Variants in ADAMTS6 observed in about 807,000 individuals in gnomAD.
ADAMTS6 encodes the protein ADAM metallopeptidase with thrombospondin type 1 motif 6, also known as A disintegrin and metalloproteinase with thrombospondin motifs 6.
Under a neutral mutation model 144.3 loss-of-function variants are expected in ADAMTS6, and 23 were observed. That is an observed-to-expected ratio of 0.16 (90% CI 0.11 to 0.23). The LOEUF is 0.23. ADAMTS6 is among the 10% of genes least tolerant of loss of function. The pLI, the probability that ADAMTS6 is intolerant of heterozygous loss-of-function variation, is 1.00. For synonymous variants in ADAMTS6, 444 were observed against 457.5 expected (o/e 0.97, Z 0.38); for missense variants, 999 against 1,379.6 (o/e 0.72, Z 4.37).
intron 22 of ADAMTS6, among the ~76,000 whole-genome samples, chr5:65,180,341 T>C (rs896589138): frequency 6.6e-6 from 1 of 152,200 alleles, no homozygotes; most frequent in East Asian, 1.9e-4. Context: ...ATTTTTTCAG[T>C]GTAGCTCGAG....
chr5:65,315,919 T>C (rs553347635), intron 9 of ADAMTS6, among the ~76,000 whole-genome samples: 10 of 152,316 alleles, frequency 6.6e-5, no homozygotes, highest in African/African-American at 2.4e-4. Context: ...ACATTTTTTT[T>C]TTCCTTTTTG....
intron 18 of ADAMTS6, among the ~76,000 whole-genome samples, chr5:65,223,413 T>C (rs1482123365): frequency 6.6e-6 from 1 of 152,210 alleles, no homozygotes; most frequent in African/African-American, 2.4e-5. Context: ...GTATATTAGA[T>C]GTGCAGAACT....
intron 11 of ADAMTS6, among the ~76,000 whole-genome samples, chr5:65,277,563 G>GT (rs1171904372): frequency 0.041 from 5,900 of 144,892 alleles, 341 homozygotes; most frequent in African/African-American, 0.13. Context: ...AGACTGGACA[G>GT]TTTTTTTTTT....
At chr5:65,243,597 A>C (rs1359635295) in intron 14 of ADAMTS6, among the ~76,000 whole-genome samples, 1 of 152,050 alleles carries the variant, frequency 6.6e-6, no homozygotes, top group Non-Finnish European at 1.5e-5. Flanking sequence ...AAAATGAAAA[A>C]TATTTACCAT....
At chr5:65,248,849 T>C (rs12653052) in intron 14 of ADAMTS6, among the ~76,000 whole-genome samples, 19,714 of 152,096 alleles carry the variant, frequency 0.13, 1,368 homozygotes, top group African/African-American at 0.15. Context: ...AAGCACAAAA[T>C]AAACAAACAA....
At chr5:65,180,567 A>G (rs1754285911) in intron 22 of ADAMTS6, among the ~76,000 whole-genome samples, 1 of 152,048 alleles carries the variant, frequency 6.6e-6, no homozygotes, top group Admixed American at 6.5e-5. Context: ...GACAAACATC[A>G]TTTCCCATAT....
At chr5:65,459,391 T>C (rs1409845387) in intron 4 of ADAMTS6, among the ~76,000 whole-genome samples, 1 of 152,212 alleles carries the variant, frequency 6.6e-6, no homozygotes, top group Non-Finnish European at 1.5e-5. Context: ...AAGCTCTTCA[T>C]GATGTGGCCT....
Position 65,150,072 on chromosome 5 carries a change from G to A in ADAMTS6, c.*1764C>T, listed in dbSNP as rs760259084. On this transcript the variant is annotated 3_prime_UTR_variant, in exon 25 of 25. Transcript: ENST00000381055. Reference sequence around the variant, plus strand: ...TTGTTTAGATTGGCTTTTGGTGTCTGAGGGTCTGTCTTCCTTTTGGAAAAA... The same window carrying A: ...TTGTTTAGATTGGCTTTTGGTGTCTAAGGGTCTGTCTTCCTTTTGGAAAAA... 6.6e-6 allele frequency: 1 copy of A among 152,230 alleles called. No homozygotes were observed. The highest frequency in any genetic ancestry group is 1.5e-5 in the Non-Finnish European group (1 of 68,034). 9.4% of individuals were successfully genotyped at this position (152,230 alleles called of 1,614,324 possible).
intron 14 of ADAMTS6, among the ~76,000 whole-genome samples, chr5:65,244,870 G>A (rs1159168876): frequency 6.6e-6 from 1 of 152,210 alleles, no homozygotes; most frequent in Non-Finnish European, 1.5e-5. Flanking sequence ...AACAATTTGG[G>A]TTCTAGACTT....
At chr5:65,208,080 C>G (rs575536522) in intron 20 of ADAMTS6, among the ~76,000 whole-genome samples, 20 of 152,276 alleles carry the variant, frequency 1.3e-4, no homozygotes, top group Non-Finnish European at 1.5e-5. Flanking sequence ...TCTGATGCTC[C>G]TCTCTACTTT....
At chr5:65,302,133 CATATA>C (rs1458091478) in intron 9 of ADAMTS6, among the ~76,000 whole-genome samples, 2 of 139,608 alleles carry the variant, frequency 1.4e-5, no homozygotes, top group South Asian at 4.5e-4. Context: ...TATATATGCA[CATATA>C]ATATATATTT....
chr5:65,331,466 A>T (rs2150060267), intron 8 of ADAMTS6, among the ~76,000 whole-genome samples: 1 of 152,210 alleles, frequency 6.6e-6, no homozygotes, highest in South Asian at 2.1e-4. Flanking sequence ...ATACTTGGAA[A>T]ATTCCTACTT....
intron 7 of ADAMTS6, among the ~76,000 whole-genome samples, chr5:65,413,026 C>A (rs1020709649): frequency 6.6e-6 from 1 of 152,114 alleles, no homozygotes; most frequent in Non-Finnish European, 1.5e-5. Flanking sequence ...TTCCAACCTA[C>A]GTATCAAAAA....
intron 15 of ADAMTS6, among the ~76,000 whole-genome samples, chr5:65,234,570 G>A (rs1026446384): frequency 4.6e-5 from 7 of 152,000 alleles, no homozygotes; most frequent in Non-Finnish European, 1.0e-4. Context: ...CCTCACACAT[G>A]TTAGGATGGC....
chr5:65,235,819 A>T (rs969778392), intron 15 of ADAMTS6, among the ~76,000 whole-genome samples: 3 of 152,180 alleles, frequency 2.0e-5, no homozygotes, highest in African/African-American at 7.2e-5. Context: ...GAGAACCCTG[A>T]CTAATACAGT....
chr5:65,261,615 C>T (rs1204038782), intron 13 of ADAMTS6, among the ~76,000 whole-genome samples: 4 of 152,096 alleles, frequency 2.6e-5, no homozygotes, highest in Admixed American at 2.0e-4. Context: ...TTTTGAATGC[C>T]AGTGAATGCT....
chr5:65,265,602 T>C (rs1209177222), intron 12 of ADAMTS6, among the ~76,000 whole-genome samples: 1 of 152,010 alleles, frequency 6.6e-6, no homozygotes, highest in Non-Finnish European at 1.5e-5. Context: ...CTGCAATTAA[T>C]GAGAACTGAC....
At chr5:65,222,852 A>C (rs1757426435) in intron 18 of ADAMTS6, among the ~76,000 whole-genome samples, 1 of 152,048 alleles carries the variant, frequency 6.6e-6, no homozygotes, top group Admixed American at 6.6e-5. Context: ...ACCATTAAAA[A>C]ATTAATAAAT....
intron 24 of ADAMTS6, among the ~76,000 whole-genome samples, chr5:65,152,748 G>A (rs1752203280): frequency 6.6e-6 from 1 of 152,152 alleles, no homozygotes; most frequent in African/African-American, 2.4e-5. Flanking sequence ...AAAGGGACAT[G>A]GGCCTTTGAT....
Sources: allele counts gnomAD v4.1 joint callset (sites outside exome capture counted in the v4.1 genomes callset), GRCh38; gene constraint gnomAD v4.1.1; transcripts MANE v1.5; gene names NCBI Gene and HGNC (gene_info 2026-07-23, HGNC 2026-07-21).